Variants in ASTN2 observed in about 807,000 individuals in gnomAD.
ASTN2 encodes astrotactin 2, also known as astrotactin-2.
ASTN2 carries 54 observed loss-of-function variants against 139.8 expected under a neutral mutation model. The ratio of observed to expected loss-of-function variants is 0.39; its 90% CI spans 0.31 to 0.48. The LOEUF is 0.48. ASTN2 is among the 20% of genes least tolerant of loss of function. The pLI is 0.95. For synonymous variants in ASTN2, 756 were observed against 719.5 expected, an observed-to-expected ratio of 1.05 and a Z score of -0.81; for missense variants, 1,565 against 1,725.1, an observed-to-expected ratio of 0.91 and a Z score of 1.64.
rs143749712 is a variant in ASTN2, at chr9:117,147,573, C to T, written c.1016-6095G>A. ...CCAGTATCACTTTGCTCGCCCTCTT[C>T]AATTTTTTCAGACATCATCAGTCTG... On this transcript the variant is annotated intron_variant, in intron 3 of 22. Coordinates refer to ENST00000313400, the MANE Select transcript of ASTN2 (RefSeq NM_001365068.1). Among the ~76,000 whole-genome samples, 653 of 152,242 alleles carry T rather than the reference C, an allele frequency of 4.3e-3. 4 individuals carry two copies. Among genetic ancestry groups the T allele is most frequent in the African/African-American group, 0.015 (609 of 41,530 alleles).
chr9:116,892,632 G>A (rs917276200), intron 10 of ASTN2, among the ~76,000 whole-genome samples: 1 of 152,042 alleles, frequency 6.6e-6, no homozygotes, highest in Non-Finnish European at 1.5e-5. Flanking sequence ...CTGCTGGAAG[G>A]CATTTGGACA....
At chr9:116,888,082 G>A (rs1269357515) in intron 10 of ASTN2, among the ~76,000 whole-genome samples, 1 of 152,110 alleles carries the variant, frequency 6.6e-6, no homozygotes, top group Admixed American at 6.6e-5. Context: ...TATATAAAGT[G>A]TCTGACCCTC....
In ASTN2 at chr9:116,442,478, T is replaced by C; in HGVS notation, c.3573A>G (p.Pro1191=). ...CTTCTGCCTTGTTGTCATCTACCAG[T>C]GGACAGGCCGTCCTCAGGGTCACCG... ...LSTVTLRTAC[P]LVDDNKAEEI... Residue 1191 remains proline (P), a synonymous_variant, in exon 21 of 23, where the codon CCA becomes CCG. Transcript: ENST00000313400. The C allele has an allele frequency of 6.2e-7, 1 of 1,614,100 alleles. No individual in the cohort carries two copies. Among genetic ancestry groups the C allele is most frequent in the Non-Finnish European group, 8.5e-7 (1 of 1,180,004 alleles).
chr9:116,973,541 G>A (rs1185515860), intron 10 of ASTN2, among the ~76,000 whole-genome samples: 1 of 152,188 alleles, frequency 6.6e-6, no homozygotes, highest in African/African-American at 2.4e-5. Context: ...TGGATGCAAT[G>A]TCAACAGGAC....
chr9:116,763,707 G>C (rs749665547), intron 13 of ASTN2, among the ~76,000 whole-genome samples: 1 of 152,150 alleles, frequency 6.6e-6, no homozygotes, highest in African/African-American at 2.4e-5. Context: ...GGGTAAAGTG[G>C]GGATGCTAAA....
chr9:117,264,822 C>T (rs1228731442), intron 2 of ASTN2, among the ~76,000 whole-genome samples: 6 of 152,294 alleles, frequency 3.9e-5, no homozygotes, highest in African/African-American at 1.4e-4. Flanking sequence ...GAAGTAAAAA[C>T]GTTCCCTTAG....
intron 10 of ASTN2, among the ~76,000 whole-genome samples, chr9:116,902,055 T>A (rs573699814): frequency 6.6e-6 from 1 of 152,046 alleles, no homozygotes; most frequent in African/African-American, 2.4e-5. Context: ...TAAACAAACA[T>A]AATATAAAAT....
At chr9:116,435,916 G>A (rs1231733499) in intron 22 of ASTN2, among the ~76,000 whole-genome samples, 2 of 152,052 alleles carry the variant, frequency 1.3e-5, no homozygotes, top group African/African-American at 4.8e-5. Context: ...AGACTACTGA[G>A]TCAATTTGGA....
intron 4 of ASTN2, among the ~76,000 whole-genome samples, chr9:117,127,672 G>GTTTTTTTTTTTTTTTTT (rs11427891): frequency 4.2e-5 from 3 of 70,898 alleles, no homozygotes; most frequent in African/African-American, 5.9e-5. Flanking sequence ...TTTTGTTTTG[G>GTTTTTTTTTTTTTTTTT]TTTTTTTTTT....
At chr9:116,921,586 TAAA>T (rs11371651) in intron 10 of ASTN2, among the ~76,000 whole-genome samples, 4 of 112,950 alleles carry the variant, frequency 3.5e-5, no homozygotes, top group Non-Finnish European at 3.4e-5. Context: ...AGACTCCGTC[TAAA>T]AAAAAAAAAA....
intron 19 of ASTN2, among the ~76,000 whole-genome samples, chr9:116,501,649 C>T (rs1394171924): frequency 7.3e-6 from 1 of 137,896 alleles, no homozygotes; most frequent in Non-Finnish European, 1.5e-5. Flanking sequence ...GGGAATTGAA[C>T]AATGAGAACA....
At chr9:116,662,941 G>A (rs1373794995) in intron 16 of ASTN2, among the ~76,000 whole-genome samples, 1 of 152,164 alleles carries the variant, frequency 6.6e-6, no homozygotes, top group Non-Finnish European at 1.5e-5. Flanking sequence ...TTCAAAGACT[G>A]ACTCCAAAGC....
intron 5 of ASTN2, among the ~76,000 whole-genome samples, chr9:117,041,555 A>T (rs73520904): frequency 0.018 from 2,695 of 151,964 alleles, 76 homozygotes; most frequent in African/African-American, 0.062. Context: ...TCTTCCCTTC[A>T]TCTCTTCTAT....
At position 117,267,298 on chromosome 9, in the gene ASTN2, G is replaced by T. The variant is rs148061702; in HGVS notation, c.630+24028C>A. Among the ~76,000 whole-genome samples, 850 of 152,258 alleles carry T rather than the reference G, an allele frequency of 5.6e-3. 3 individuals are homozygous for T. Among genetic ancestry groups the T allele is most frequent in the Middle Eastern group, 0.01 (3 of 294 alleles). On this transcript the variant is annotated intron_variant, in intron 2 of 22. Transcript: ENST00000313400. ...CATGAGAGCTAAATATGGTATCCTG[G>T]ATTGGATCCTAGTACAGTAAAAGGG...
intron 2 of ASTN2, among the ~76,000 whole-genome samples, chr9:117,237,604 C>T (rs1024043800): frequency 4.6e-5 from 7 of 152,246 alleles, no homozygotes; most frequent in East Asian, 1.9e-4. Flanking sequence ...CTCAGCCTCC[C>T]GAGTAGCTGG....
At chr9:117,207,092 C>T (rs915390927) in intron 3 of ASTN2, among the ~76,000 whole-genome samples, 8 of 152,150 alleles carry the variant, frequency 5.3e-5, no homozygotes, top group Non-Finnish European at 1.0e-4. Context: ...CAGGCAGCTG[C>T]GCACCTACAT....
intron 13 of ASTN2, among the ~76,000 whole-genome samples, chr9:116,793,739 C>G (rs1830615098): frequency 6.6e-6 from 1 of 152,122 alleles, no homozygotes; most frequent in Admixed American, 6.5e-5. Flanking sequence ...AATACAGAGC[C>G]TCAGAATTTA....
At chr9:117,343,065 T>C (rs1317025548) in intron 1 of ASTN2, among the ~76,000 whole-genome samples, 1 of 152,164 alleles carries the variant, frequency 6.6e-6, no homozygotes, top group East Asian at 1.9e-4. Flanking sequence ...AAAACTAAAG[T>C]AGGAAGAGTC....
At chr9:116,890,481 C>T (rs773642899) in intron 10 of ASTN2, among the ~76,000 whole-genome samples, 2 of 152,188 alleles carry the variant, frequency 1.3e-5, no homozygotes, top group Non-Finnish European at 2.9e-5. Context: ...CAGGTCCATG[C>T]ACAAAACCCA....
Sources: gnomAD v4.1 joint callset for allele counts (sites outside exome capture counted in the v4.1 genomes callset) on GRCh38, gnomAD v4.1.1 for gene constraint, MANE v1.5 for transcripts, NCBI Gene and HGNC (gene_info 2026-07-23, HGNC 2026-07-21) for gene names.